Variants in KAT6B observed in about 807,000 individuals in gnomAD.
KAT6B encodes histone acetyltransferase KAT6B.
In KAT6B, 10 loss-of-function variants were observed where a neutral mutation model predicts 187.5. The ratio of observed to expected loss-of-function variants is 0.05; its 90% CI spans 0.03 to 0.09. The LOEUF (loss-of-function observed/expected upper bound fraction) is 0.09. KAT6B is among the 10% of genes least tolerant of loss of function. The pLI is 1.00. For missense variants in KAT6B, 1,952 were observed against 2,558.9 expected (o/e 0.76, Z 5.12); for synonymous variants, 861 against 926.8 (o/e 0.93, Z 1.29).
intron 12 of KAT6B, among the ~76,000 whole-genome samples, chr10:74,985,790 T>C (rs1842771563): frequency 2.0e-5 from 3 of 152,190 alleles, no homozygotes; most frequent in African/African-American, 7.2e-5. Flanking sequence ...CTTACGCGTG[T>C]AATCCCAGGA....
rs778493952 is a variant in KAT6B, at chr10:75,028,738, T to C, written c.3914T>C (p.Ile1305Thr). ...GAAGGAAAAACCAGCCCCAGTCCCATCAGGATTGAGGAGGAGGTCAAGGAA... is the reference window on the plus strand; with the variant it reads ...GAAGGAAAAACCAGCCCCAGTCCCACCAGGATTGAGGAGGAGGTCAAGGAA... Reference protein sequence around the residue: ...TSEGKTSPSPIRIEEEVKETG... With the variant: ...TSEGKTSPSPTRIEEEVKETG... Residue 1305 changes from isoleucine to threonine, a missense_variant, in exon 18 of 18, where the codon ATC becomes ACC. Ile to Thr is a moderately conservative substitution (Grantham distance 89, BLOSUM62 -1). Coordinates refer to ENST00000287239, the MANE Select transcript of KAT6B (RefSeq NM_012330.4). The C allele has an allele frequency of 1.9e-6, 3 of 1,613,996 alleles. No homozygotes were observed. Among genetic ancestry groups the C allele is most frequent in the South Asian group, 2.2e-5 (2 of 91,076 alleles).
intron 3 of KAT6B, among the ~76,000 whole-genome samples, chr10:74,874,028 GA>G (rs950377378): frequency 1.0e-4 from 15 of 145,864 alleles, no homozygotes; most frequent in African/African-American, 2.0e-4. Context: ...CAGCATTAAA[GA>G]AAAAAAAAAG....
intron 3 of KAT6B, among the ~76,000 whole-genome samples, chr10:74,869,969 A>G (rs1362970342): frequency 6.6e-6 from 1 of 152,192 alleles, no homozygotes; most frequent in Admixed American, 6.5e-5. Context: ...TGTCTGAGAT[A>G]ACATACAGAG....
intron 3 of KAT6B, among the ~76,000 whole-genome samples, chr10:74,875,120 A>G (rs1844318161): frequency 6.6e-6 from 1 of 152,234 alleles, no homozygotes; most frequent in Non-Finnish European, 1.5e-5. Context: ...ATTTTGTATT[A>G]GATAAATTGG....
At chr10:74,870,857 G>A (rs1188579110) in intron 3 of KAT6B, among the ~76,000 whole-genome samples, 1 of 151,318 alleles carries the variant, frequency 6.6e-6, no homozygotes, top group Non-Finnish European at 1.5e-5. Context: ...GATGACAGAT[G>A]TGAGCCACCA....
intron 3 of KAT6B, among the ~76,000 whole-genome samples, chr10:74,855,522 C>T (rs1842760362): frequency 6.6e-6 from 1 of 152,178 alleles, no homozygotes; most frequent in Admixed American, 6.5e-5. Context: ...GTATTGTAAA[C>T]ACTTCTGTCT....
chr10:74,836,508 T>A (rs1589441158), intron 1 of KAT6B, among the ~76,000 whole-genome samples: 1 of 152,218 alleles, frequency 6.6e-6, no homozygotes, highest in East Asian at 1.9e-4. Flanking sequence ...TCGCTAAATA[T>A]TTGTTGGTTT....
chr10:74,935,382 T>A (rs1849191501), intron 3 of KAT6B, among the ~76,000 whole-genome samples: 1 of 131,728 alleles, frequency 7.6e-6, no homozygotes, highest in Non-Finnish European at 1.5e-5. Context: ...AATATATCTT[T>A]TTTTTTCATT....
Position 75,022,114 on chromosome 10 carries a change from AGAAGAG to A in KAT6B, c.3264_3269del (p.Glu1088_Glu1089del), listed in dbSNP as rs747985904. The A allele has an allele frequency of 3.1e-6, 5 of 1,601,660 alleles. No individual in the cohort carries two copies. Among genetic ancestry groups the A allele is most frequent in the Middle Eastern group, 1.7e-4 (1 of 6,050 alleles). On this transcript the variant is annotated inframe_deletion, in exon 16 of 18. Coordinates refer to ENST00000287239, the MANE Select transcript of KAT6B (RefSeq NM_012330.4). ...ACGAGGAGGAGGAAGAAGAGGAGGA[AGAAGAG>A]GAAGAGGATGAAGAGGAGGAAGAAG...
At chr10:74,848,718 A>G (rs1340917324) in intron 3 of KAT6B, among the ~76,000 whole-genome samples, 1 of 152,322 alleles carries the variant, frequency 6.6e-6, no homozygotes, top group Admixed American at 6.5e-5. Context: ...CCATTTTAAA[A>G]TAGTTTGAGT....
At chr10:74,925,096 G>A (rs915013498) in intron 3 of KAT6B, among the ~76,000 whole-genome samples, 4 of 152,194 alleles carry the variant, frequency 2.6e-5, no homozygotes, top group Admixed American at 6.5e-5. Context: ...CTGGAGTGCA[G>A]TGACATGATC....
At chr10:74,984,508 C>T (rs1842706602) in intron 11 of KAT6B, 1 of 154,696 alleles carries the variant, frequency 6.5e-6, no homozygotes, top group African/African-American at 2.4e-5. Context: ...ATTCATATCA[C>T]TTTCTCTGTA....
chr10:74,921,369 C>T (rs1412014655), intron 3 of KAT6B, among the ~76,000 whole-genome samples: 1 of 152,176 alleles, frequency 6.6e-6, no homozygotes, highest in Non-Finnish European at 1.5e-5. Context: ...CTGCCTTGAA[C>T]TCCCAAAGTG....
Position 74,960,114 on chromosome 10 carries a change from T to A in KAT6B, c.730+36T>A. 3 of 1,245,602 alleles carry A rather than the reference T, an allele frequency of 2.4e-6. No individual in the cohort carries two copies. In the East Asian group the frequency reaches 7.0e-5, roughly 29 times the overall value. The allele number at this position is 1,245,602 out of a possible 1,614,324, so 77.2% of individuals were successfully genotyped here. On this transcript the variant is annotated intron_variant, in intron 4 of 17. Transcript: ENST00000287239. ...TTTTTCCTATGTGTTGTACAATGAC[T>A]TCCCATTATCATAGCTTCATGCTAT... is the stretch of plus-strand genomic sequence containing the variant.
chr10:74,870,015 C>T (rs748489579), intron 3 of KAT6B, among the ~76,000 whole-genome samples: 10 of 152,152 alleles, frequency 6.6e-5, no homozygotes, highest in African/African-American at 2.4e-4. Context: ...TGCAGTGGCT[C>T]ATGCCTATAA....
chr10:74,972,713 T>C, intron 7 of KAT6B, 74 bp downstream of exon 7: 2 of 1,378,246 alleles, frequency 1.5e-6, no homozygotes, highest in Non-Finnish European at 2.1e-6. Context: ...TTCTCTCAGA[T>C]TCCTTTAGGG....
At chr10:74,917,469 C>G (rs756132026) in intron 3 of KAT6B, among the ~76,000 whole-genome samples, 1 of 152,146 alleles carries the variant, frequency 6.6e-6, no homozygotes. Context: ...ATTAAAGATT[C>G]TAATCCTTTC....
intron 3 of KAT6B, among the ~76,000 whole-genome samples, chr10:74,855,335 C>G (rs1317001768): frequency 6.6e-6 from 1 of 152,162 alleles, no homozygotes; most frequent in African/African-American, 2.4e-5. Flanking sequence ...ACCAGCCCTG[C>G]TTTTTGTCCA....
chr10:75,029,016 G>A lies in KAT6B; in HGVS notation c.4192G>A (p.Glu1398Lys), dbSNP rs762226616. ...AAAAGAGGAACCAGAAATCTCCACG[G>A]AAAAAGAAGACTCTGCACGTTTGGA... ...QEKEEPEIST[E>K]KEDSARLDDH... The change falls in exon 18 of 18, where the codon GAA (glutamate) becomes AAA (lysine). Residue 1398 changes from glutamate to lysine, a missense_variant. Around this residue, in one of 9 missense-constraint regions of KAT6B, gnomAD observed 758 missense variants for 891.4 expected, o/e 0.85. Coordinates refer to ENST00000287239, the MANE Select transcript of KAT6B (RefSeq NM_012330.4). The surrounding 1 kb of genome is among the most constrained non-coding windows in gnomAD (Gnocchi z 6.2). 9.9e-6 allele frequency: 16 copies of A among 1,614,054 alleles called. No homozygotes were observed. In the East Asian group the frequency reaches 2.9e-4, roughly 29 times the overall value.
Sources: allele counts gnomAD v4.1 joint callset (sites outside exome capture counted in the v4.1 genomes callset), GRCh38; gene constraint gnomAD v4.1.1; regional missense constraint gnomAD v4.1.1; non-coding constraint Gnocchi (gnomAD v3.1); transcripts MANE v1.5; gene names NCBI Gene and HGNC (gene_info 2026-07-23, HGNC 2026-07-21).